Variants in MMP16 observed in about 807,000 individuals in gnomAD.
MMP16 encodes matrix metalloproteinase-16.
MMP16 carries 12 observed loss-of-function variants against 67.8 expected under a neutral mutation model. That is an observed-to-expected ratio of 0.18 (90% CI 0.11 to 0.29). MMP16 has a LOEUF of 0.29. Among genes scored for constraint, MMP16 ranks in the 10% least tolerant of loss-of-function variants. The pLI is 1.00. For synonymous variants in MMP16, 249 were observed against 255.9 expected, an observed-to-expected ratio of 0.97 and a Z score of 0.26; for missense variants, 475 against 765.7, an observed-to-expected ratio of 0.62 and a Z score of 4.48.
At chr8:88,130,529 T>C (rs2118470659) in intron 4 of MMP16, among the ~76,000 whole-genome samples, 1 of 151,916 alleles carries the variant, frequency 6.6e-6, no homozygotes. Context: ...TTATTCCACA[T>C]ATTCTGTAAC....
chr8:88,275,060 A>C (rs1810624682), intron 1 of MMP16, among the ~76,000 whole-genome samples: 1 of 151,994 alleles, frequency 6.6e-6, no homozygotes, highest in Admixed American at 6.6e-5. Flanking sequence ...AATAATAATA[A>C]AAAGTCACCA....
At chr8:88,291,013 A>C (rs991961869) in intron 1 of MMP16, among the ~76,000 whole-genome samples, 1 of 152,208 alleles carries the variant, frequency 6.6e-6, no homozygotes, top group Non-Finnish European at 1.5e-5. Context: ...AGGCGTGGTG[A>C]CTCATGCCTG....
chr8:88,312,702 C>A (rs1219022468), intron 1 of MMP16, among the ~76,000 whole-genome samples: 1 of 152,148 alleles, frequency 6.6e-6, no homozygotes, highest in Non-Finnish European at 1.5e-5. Context: ...GGCACAGCGG[C>A]TCATGTTTGT....
At chr8:88,096,904 T>G (rs1041674358) in intron 6 of MMP16, among the ~76,000 whole-genome samples, 1 of 151,966 alleles carries the variant, frequency 6.6e-6, no homozygotes, top group Non-Finnish European at 1.5e-5. Flanking sequence ...AGTGATCATA[T>G]TTATTATATA....
At chr8:88,280,629 G>A (rs887025579) in intron 1 of MMP16, among the ~76,000 whole-genome samples, 2 of 152,120 alleles carry the variant, frequency 1.3e-5, no homozygotes, top group Non-Finnish European at 2.9e-5. Context: ...AGGCATGGAT[G>A]CCTATATTCC....
chr8:88,176,601 G>A (rs1201038452), intron 3 of MMP16, among the ~76,000 whole-genome samples: 2 of 152,140 alleles, frequency 1.3e-5, no homozygotes, highest in African/African-American at 4.8e-5. Flanking sequence ...GTAAGGGGTA[G>A]GTATGAACTC....
chr8:88,280,875 A>AC (rs2129993366), intron 1 of MMP16, among the ~76,000 whole-genome samples: 1 of 150,614 alleles, frequency 6.6e-6, no homozygotes, highest in African/African-American at 2.4e-5. Context: ...ACAGAGTGAG[A>AC]CCCCATCTCA....
At chr8:88,283,566 C>A (rs993502377) in intron 1 of MMP16, among the ~76,000 whole-genome samples, 1 of 152,100 alleles carries the variant, frequency 6.6e-6, no homozygotes, top group Non-Finnish European at 1.5e-5. Flanking sequence ...CCAGGCACCT[C>A]CCCACTCTCT....
At position 88,107,191 on chromosome 8, in the gene MMP16, C is replaced by T. The variant is rs554454030; in HGVS notation, c.1083+9316G>A. ...TTGCATAACAGTAAGTTTTAAAATC[C>T]AGTAGTACAGTCTTTTGTATTTTTA... On this transcript the variant is annotated intron_variant, in intron 6 of 9. Transcript: ENST00000286614. 6.6e-5 allele frequency among the ~76,000 whole-genome samples: 10 copies of T among 151,028 alleles called. No individual in the cohort carries two copies. The East Asian group carries it at 2.0e-3, about 30-fold the overall frequency.
intron 1 of MMP16, among the ~76,000 whole-genome samples, chr8:88,301,800 T>C (rs1035668213): frequency 6.6e-6 from 1 of 152,258 alleles, no homozygotes; most frequent in Non-Finnish European, 1.5e-5. Flanking sequence ...AATATCCTAA[T>C]ATTCACTTTT....
chr8:88,312,294 A>G (rs987125676), intron 1 of MMP16, among the ~76,000 whole-genome samples: 1 of 152,200 alleles, frequency 6.6e-6, no homozygotes, highest in African/African-American at 2.4e-5. Context: ...AATCTTTTAT[A>G]GTTAGACATT....
chr8:88,045,527 T>C (rs1436784713), intron 9 of MMP16, among the ~76,000 whole-genome samples: 1 of 151,996 alleles, frequency 6.6e-6, no homozygotes, highest in Non-Finnish European at 1.5e-5. Context: ...CATGCCACCA[T>C]GCCTTGCTTA....
intron 6 of MMP16, among the ~76,000 whole-genome samples, chr8:88,077,801 G>A (rs1808675761): frequency 6.6e-6 from 1 of 152,072 alleles, no homozygotes; most frequent in African/African-American, 2.4e-5. Flanking sequence ...AAGTTATGAA[G>A]GGGTCACACA....
At chr8:88,295,521 G>A (rs1408657161) in intron 1 of MMP16, among the ~76,000 whole-genome samples, 2 of 152,138 alleles carry the variant, frequency 1.3e-5, no homozygotes, top group Non-Finnish European at 1.5e-5. Flanking sequence ...GACTCTCTCA[G>A]AGGGAACTTT....
chr8:88,032,306 C>A lies in MMP16; in HGVS notation c.*9155G>T, dbSNP rs1807996537. The A allele has an allele frequency of 6.6e-6, 1 of 152,184 alleles. No homozygotes were observed. Among genetic ancestry groups the A allele is most frequent in the South Asian group, 2.1e-4 (1 of 4,834 alleles). The allele number at this position is 152,184 out of a possible 1,614,324, so 9.4% of individuals were successfully genotyped here. On this transcript the variant is annotated 3_prime_UTR_variant, in exon 10 of 10. Coordinates refer to ENST00000286614, the MANE Select transcript of MMP16 (RefSeq NM_005941.5). ...TTTGTGTGGTTAAAGGTTGCCGCAG[C>A]AGTCAAAGGGTTATAGCATTGTAAA...
chr8:88,253,534 T>C (rs1810257674), intron 1 of MMP16, among the ~76,000 whole-genome samples: 3 of 152,052 alleles, frequency 2.0e-5, no homozygotes, highest in Non-Finnish European at 4.4e-5. Context: ...AGTCTAATCA[T>C]GAGAAAAACA....
intron 1 of MMP16, among the ~76,000 whole-genome samples, chr8:88,206,553 C>T (rs1025275861): frequency 1.3e-5 from 2 of 152,178 alleles, no homozygotes; most frequent in African/African-American, 2.4e-5. Context: ...GGTCTGTTCA[C>T]GCCTTGTGCC....
chr8:88,084,897 T>C (rs982414702), intron 6 of MMP16, among the ~76,000 whole-genome samples: 3 of 151,958 alleles, frequency 2.0e-5, no homozygotes, highest in Non-Finnish European at 4.4e-5. Context: ...TAAACCTCCA[T>C]TGACTAGCCA....
intron 7 of MMP16, among the ~76,000 whole-genome samples, chr8:88,062,935 C>T (rs1251236054): frequency 6.6e-6 from 1 of 152,040 alleles, no homozygotes; most frequent in Non-Finnish European, 1.5e-5. Flanking sequence ...TTTAACTACC[C>T]TACCATCAGA....
Sources: allele counts gnomAD v4.1 joint callset (sites outside exome capture counted in the v4.1 genomes callset), GRCh38; gene constraint gnomAD v4.1.1; transcripts MANE v1.5; gene names NCBI Gene and HGNC (gene_info 2026-07-23, HGNC 2026-07-21).